Variants in SYNE2 observed in about 807,000 individuals in gnomAD.
The protein encoded by SYNE2 is nesprin-2.
A neutral mutation model predicts 856.3 loss-of-function variants in SYNE2; 431 were observed. The ratio of observed to expected loss-of-function variants is 0.50; its 90% confidence interval spans 0.47 to 0.55. The LOEUF (loss-of-function observed/expected upper bound fraction) is 0.55. Ranked by LOEUF, SYNE2 falls within the 20% of genes least tolerant of loss-of-function variation. The pLI is 0.00. For missense variants in SYNE2, 8,129 were observed against 8,023.2 expected, an observed-to-expected ratio of 1.01 and a Z score of -0.50; for synonymous variants, 2,923 against 2,872.3, an observed-to-expected ratio of 1.02 and a Z score of -0.56.
chr14:64,064,411 C>G (rs1378286714), intron 50 of SYNE2, among the ~76,000 whole-genome samples: 1 of 152,104 alleles, frequency 6.6e-6, no homozygotes, highest in African/African-American at 2.4e-5. Context: ...ATAAAACATA[C>G]ATTTTATACA....
intron 2 of SYNE2, 105 bp downstream of exon 2, chr14:63,909,332 T>A (rs2095445265): frequency 5.9e-6 from 4 of 674,514 alleles, no homozygotes; most frequent in Non-Finnish European, 1.0e-5. Flanking sequence ...GAGATAAATA[T>A]ATCTGTATTT....
chr14:63,960,849 A>G (rs1047594986), intron 8 of SYNE2: 2 of 738,660 alleles, frequency 2.7e-6, no homozygotes, highest in African/African-American at 1.7e-5. Context: ...GTTTGAGACC[A>G]GACTGGACAA....
intron 1 of SYNE2, among the ~76,000 whole-genome samples, chr14:63,766,980 TAG>T (rs1886708827): frequency 1.3e-5 from 2 of 152,116 alleles, no homozygotes; most frequent in African/African-American, 4.8e-5. Flanking sequence ...TCATAAAATT[TAG>T]AGTCTAAATT....
intron 2 of SYNE2, among the ~76,000 whole-genome samples, chr14:63,929,062 G>C (rs553936458): frequency 2.6e-5 from 4 of 152,220 alleles, no homozygotes; most frequent in Non-Finnish European, 5.9e-5. Context: ...CTGACACAGA[G>C]CTCCGAAAGC....
intron 32 of SYNE2, among the ~76,000 whole-genome samples, chr14:64,014,145 T>C (rs1360151627): frequency 6.6e-6 from 1 of 152,218 alleles, no homozygotes; most frequent in Non-Finnish European, 1.5e-5. Context: ...TGGGATTGGC[T>C]ATTTTCACAT....
intron 49 of SYNE2, among the ~76,000 whole-genome samples, chr14:64,060,509 T>G (rs1331233612): frequency 3.9e-5 from 6 of 152,126 alleles, no homozygotes; most frequent in Non-Finnish European, 7.4e-5. Flanking sequence ...TTAGCTGGTA[T>G]CCAAGTTGCA....
At chr14:63,796,179 G>T (rs1033804586) in intron 1 of SYNE2, among the ~76,000 whole-genome samples, 2 of 152,274 alleles carry the variant, frequency 1.3e-5, no homozygotes, top group Admixed American at 1.3e-4. Context: ...GATGATATTT[G>T]GCCAGGCACA....
At chr14:64,188,120 T>C (rs765605298) in intron 97 of SYNE2, among the ~76,000 whole-genome samples, 25 of 152,264 alleles carry the variant, frequency 1.6e-4, no homozygotes, top group Non-Finnish European at 3.7e-4. Context: ...ATTTGCATTA[T>C]AAATGTTTGA....
Position 64,225,743 on chromosome 14 carries a change from G to A in SYNE2, c.*217G>A, listed in dbSNP as rs2098716094. On this transcript the variant is annotated 3_prime_UTR_variant, in exon 116 of 116. Coordinates refer to ENST00000555002, the MANE Select transcript of SYNE2 (RefSeq NM_182914.3). ...GGGAACCTGTGTGGCAGGTGCCCCG[G>A]GTATTTTGGCAGAACTAGTTGATTA... is the stretch of plus-strand genomic sequence containing the variant. 3.3e-6 allele frequency: 2 copies of A among 614,914 alleles called. No homozygotes were observed. The highest frequency in any genetic ancestry group is 5.8e-6 in the Non-Finnish European group (2 of 344,450). 38.1% of individuals were successfully genotyped at this position (614,914 alleles called of 1,614,324 possible).
intron 49 of SYNE2, among the ~76,000 whole-genome samples, chr14:64,059,181 T>G (rs1475599364): frequency 6.6e-6 from 1 of 152,172 alleles, no homozygotes; most frequent in Non-Finnish European, 1.5e-5. Flanking sequence ...ATTTAGTTTG[T>G]TTGGTGAAGT....
chr14:64,023,134 G>A (rs1207505896), intron 38 of SYNE2: 2 of 402,266 alleles, frequency 5.0e-6, no homozygotes, highest in East Asian at 5.4e-5. Context: ...GCAAGTACCT[G>A]TAGTCCCAGG....
chr14:64,208,144 C>T (rs1349196902), intron 100 of SYNE2: 1 of 455,992 alleles, frequency 2.2e-6, no homozygotes, highest in Admixed American at 2.3e-5. Context: ...CCCCACCTCT[C>T]TCCAAGCCAC....
intron 64 of SYNE2, 49 bp downstream of exon 64, chr14:64,102,091 G>C: frequency 3.1e-6 from 4 of 1,302,054 alleles, no homozygotes; most frequent in Non-Finnish European, 4.4e-6. Flanking sequence ...GGGCCCAGGG[G>C]GGAGCAGGGA....
At chr14:63,904,410 A>G (rs913707372) in intron 1 of SYNE2, among the ~76,000 whole-genome samples, 3 of 152,172 alleles carry the variant, frequency 2.0e-5, no homozygotes, top group African/African-American at 7.2e-5. Flanking sequence ...TGCTTTCCAC[A>G]GTGGCTGCAC....
At chr14:63,802,650 A>G (rs1888187193) in intron 1 of SYNE2, among the ~76,000 whole-genome samples, 1 of 152,196 alleles carries the variant, frequency 6.6e-6, no homozygotes, top group African/African-American at 2.4e-5. Context: ...ACTGACTTCA[A>G]GAATGAAGCC....
chr14:64,041,028 G>C (rs2097144637), intron 45 of SYNE2, among the ~76,000 whole-genome samples: 1 of 152,086 alleles, frequency 6.6e-6, no homozygotes, highest in Non-Finnish European at 1.5e-5. Context: ...TCTCAACATG[G>C]AAAGTCAGAA....
At chr14:63,768,474 GT>G (rs1489830466) in intron 1 of SYNE2, among the ~76,000 whole-genome samples, 1 of 152,130 alleles carries the variant, frequency 6.6e-6, no homozygotes, top group African/African-American at 2.4e-5. Flanking sequence ...CAGGGACTTT[GT>G]CAATCTTATA....
chr14:63,919,490 G>A (rs2095571219), intron 2 of SYNE2, among the ~76,000 whole-genome samples: 1 of 152,150 alleles, frequency 6.6e-6, no homozygotes. Flanking sequence ...AGTCTAGTGT[G>A]GCTGGATTGT....
At chr14:63,858,875 T>G (rs1040128883) in intron 1 of SYNE2, among the ~76,000 whole-genome samples, 2 of 152,212 alleles carry the variant, frequency 1.3e-5, no homozygotes, top group African/African-American at 2.4e-5. Flanking sequence ...GGATTGTACT[T>G]TTGGTATTAT....
Sources: allele counts gnomAD v4.1 joint callset (sites outside exome capture counted in the v4.1 genomes callset), GRCh38; gene constraint gnomAD v4.1.1; transcripts MANE v1.5; gene names NCBI Gene and HGNC (gene_info 2026-07-23, HGNC 2026-07-21).